The following PKNOX2 variants were observed in gnomAD, a reference collection of about 807,000 sequenced individuals.
PKNOX2 encodes homeobox protein PKNOX2.
A neutral mutation model predicts 53.1 loss-of-function variants in PKNOX2; 14 were observed. The observed-to-expected ratio is 0.26, with a 90% CI of 0.17 to 0.41. The LOEUF is 0.41. PKNOX2 is among the 10% of genes least tolerant of loss of function. The probability of loss-of-function intolerance (pLI) is 1.00; values close to 1 mark genes in which losing one functional copy is unlikely to be tolerated. For missense variants in PKNOX2, 496 were observed against 602.8 expected, an observed-to-expected ratio of 0.82 and a Z score of 1.85; for synonymous variants, 257 against 242.8, an observed-to-expected ratio of 1.06 and a Z score of -0.54.
intron 5 of PKNOX2, among the ~76,000 whole-genome samples, chr11:125,375,108 C>A (rs1308079015): frequency 1.3e-5 from 2 of 152,166 alleles, no homozygotes; most frequent in Non-Finnish European, 2.9e-5. Context: ...GTGGGAAGAA[C>A]CTGAACTGAA....
intron 2 of PKNOX2, among the ~76,000 whole-genome samples, chr11:125,306,847 G>A (rs192972258): frequency 1.8e-4 from 27 of 152,256 alleles, no homozygotes; most frequent in Admixed American, 3.9e-4. Flanking sequence ...CCCCATTTTC[G>A]TTTCACACAA....
chr11:125,178,676 AAGAGAGAG>A (rs55812201), intron 1 of PKNOX2, among the ~76,000 whole-genome samples: 3 of 98,866 alleles, frequency 3.0e-5, no homozygotes, highest in Admixed American at 8.6e-5. Context: ...GAAGGAAAGA[AAGAGAGAG>A]AGAGAGAGAG....
chr11:125,295,796 C>T (rs1331498967), intron 2 of PKNOX2, among the ~76,000 whole-genome samples: 5 of 152,148 alleles, frequency 3.3e-5, no homozygotes, highest in African/African-American at 1.2e-4. Context: ...TCGTCTGTAT[C>T]GTTTCGGCAT....
chr11:125,336,861 T>C (rs1213185812), intron 3 of PKNOX2, among the ~76,000 whole-genome samples: 1 of 147,764 alleles, frequency 6.8e-6, no homozygotes, highest in Admixed American at 6.8e-5. Context: ...TGTAATATTA[T>C]ATGTTAGTAT....
At chr11:125,264,713 G>A (rs923028868) in intron 2 of PKNOX2, among the ~76,000 whole-genome samples, 2 of 147,554 alleles carry the variant, frequency 1.4e-5, no homozygotes, top group Non-Finnish European at 3.0e-5. Flanking sequence ...GGAGGAGACA[G>A]ATGTCCTTTC....
intron 1 of PKNOX2, among the ~76,000 whole-genome samples, chr11:125,212,031 A>G (rs1449527673): frequency 1.3e-5 from 2 of 152,156 alleles, no homozygotes; most frequent in Non-Finnish European, 2.9e-5. Flanking sequence ...ATTTATGAAC[A>G]TTATTCTTCT....
chr11:125,423,043 T>TAC (rs56327999), intron 10 of PKNOX2, among the ~76,000 whole-genome samples: 62,937 of 150,034 alleles, frequency 0.42, 13,705 homozygotes, highest in East Asian at 0.66. Context: ...TCAGTTTAGC[T>TAC]ACACACACAC....
At chr11:125,218,485 G>A (rs1204807373) in intron 1 of PKNOX2, among the ~76,000 whole-genome samples, 1 of 152,102 alleles carries the variant, frequency 6.6e-6, no homozygotes, top group Non-Finnish European at 1.5e-5. Flanking sequence ...GAATTAGACA[G>A]CAGAAAGAAG....
At chr11:125,326,419 A>T (rs1009941296) in intron 2 of PKNOX2, among the ~76,000 whole-genome samples, 3 of 152,178 alleles carry the variant, frequency 2.0e-5, no homozygotes, top group Non-Finnish European at 4.4e-5. Flanking sequence ...TTCAGATTTG[A>T]AAGTAGTGGG....
intron 6 of PKNOX2, among the ~76,000 whole-genome samples, chr11:125,389,204 C>CAAACAAAT (rs1953863607): frequency 6.6e-6 from 1 of 151,940 alleles, no homozygotes; most frequent in Non-Finnish European, 1.5e-5. Context: ...CAAAAACAAA[C>CAAACAAAT]AAACAAACAA....
chr11:125,354,741 G>C (rs1367193056), intron 4 of PKNOX2, among the ~76,000 whole-genome samples: 2 of 152,220 alleles, frequency 1.3e-5, no homozygotes, highest in African/African-American at 4.8e-5. Flanking sequence ...TTGAAGTTTG[G>C]GGAATAAAGT....
chr11:125,253,024 T>C (rs966235520), intron 2 of PKNOX2, among the ~76,000 whole-genome samples: 31 of 151,940 alleles, frequency 2.0e-4, no homozygotes, highest in African/African-American at 7.3e-4. Flanking sequence ...TCTAAGGGAG[T>C]TGTCATTGCA....
intron 1 of PKNOX2, among the ~76,000 whole-genome samples, chr11:125,228,567 T>A (rs1311232134): frequency 6.6e-6 from 1 of 152,200 alleles, no homozygotes; most frequent in Admixed American, 6.5e-5. Flanking sequence ...TGCTGTATGG[T>A]CCATGTCAGT....
intron 2 of PKNOX2, among the ~76,000 whole-genome samples, chr11:125,273,943 A>G (rs904183336): frequency 6.6e-6 from 1 of 152,150 alleles, no homozygotes; most frequent in African/African-American, 2.4e-5. Flanking sequence ...GAACCAGCAG[A>G]ATCAGGATCT....
intron 2 of PKNOX2, among the ~76,000 whole-genome samples, chr11:125,247,144 T>G (rs1943623864): frequency 6.6e-6 from 1 of 152,216 alleles, no homozygotes; most frequent in Admixed American, 6.5e-5. Context: ...TTCTTTGGAA[T>G]TGGCAGATCC....
At chr11:125,296,678 C>T (rs899205043) in intron 2 of PKNOX2, among the ~76,000 whole-genome samples, 4 of 152,100 alleles carry the variant, frequency 2.6e-5, no homozygotes, top group African/African-American at 7.2e-5. Context: ...GCTCTGTTGC[C>T]AGGCTGGAGT....
intron 6 of PKNOX2, 79 bp from the exon 7 acceptor site, chr11:125,397,795 G>T: frequency 7.1e-7 from 1 of 1,416,062 alleles, no homozygotes; most frequent in Non-Finnish European, 9.7e-7. Context: ...CCTCCCCTGG[G>T]GTGGTGGGGG....
At chr11:125,381,906 G>A (rs888048218) in intron 5 of PKNOX2, among the ~76,000 whole-genome samples, 7 of 152,132 alleles carry the variant, frequency 4.6e-5, no homozygotes, top group Non-Finnish European at 7.3e-5. Context: ...TGTCACCTCC[G>A]CAGAGAGGCT....
At chr11:125,407,751 C>CA (rs924653642) in intron 7 of PKNOX2, among the ~76,000 whole-genome samples, 16 of 104,978 alleles carry the variant, frequency 1.5e-4, no homozygotes, top group Non-Finnish European at 2.5e-4. Flanking sequence ...AAAAAACAAA[C>CA]AAAAAAAAAA....
Sources: gnomAD v4.1 joint callset for allele counts (sites outside exome capture counted in the v4.1 genomes callset) on GRCh38, gnomAD v4.1.1 for gene constraint, MANE v1.5 for transcripts, NCBI Gene and HGNC (gene_info 2026-07-23, HGNC 2026-07-21) for gene names.